XKR4: variants seen among roughly 807,000 people sequenced by gnomAD.
The protein encoded by XKR4 is XK related 4, also known as XK-related protein 4.
Under a neutral mutation model 53.9 loss-of-function variants are expected in XKR4, and 12 were observed. That is an observed-to-expected ratio of 0.22 (90% CI 0.14 to 0.36). The LOEUF (loss-of-function observed/expected upper bound fraction) is 0.36, where lower values mean the gene tolerates loss of function less well. Ranked by LOEUF, XKR4 falls within the 10% of genes least tolerant of loss-of-function variation. The pLI is 1.00. For missense variants in XKR4, 799 were observed against 859.5 expected, an observed-to-expected ratio of 0.93 and a Z score of 0.88; for synonymous variants, 354 against 362.4, an observed-to-expected ratio of 0.98 and a Z score of 0.26.
At chr8:55,329,168 T>C (rs986660186) in intron 1 of XKR4, among the ~76,000 whole-genome samples, 1 of 152,144 alleles carries the variant, frequency 6.6e-6, no homozygotes, top group Non-Finnish European at 1.5e-5. Context: ...TGCCCCAGGA[T>C]AGTAGAACTC....
chr8:55,346,224 T>C (rs1271381228), intron 1 of XKR4, among the ~76,000 whole-genome samples: 1 of 151,914 alleles, frequency 6.6e-6, no homozygotes, highest in African/African-American at 2.4e-5. Flanking sequence ...TAGCAGGGAT[T>C]ACAGGCATGC....
chr8:55,123,664 C>T lies in XKR4; in HGVS notation c.806+20370C>T, dbSNP rs369404223. Among the ~76,000 whole-genome samples the T allele has an allele frequency of 7.4e-4, 113 of 152,308 alleles. 2 individuals carry two copies. In the South Asian group the frequency reaches 0.023, roughly 31 times the overall value. On this transcript the variant is annotated intron_variant, in intron 1 of 2. Coordinates refer to ENST00000327381, the MANE Select transcript of XKR4 (RefSeq NM_052898.2). Reference sequence around the variant, plus strand: ...CCCTTAACAAGTAGCTTTGGTCCTGCTGGTTTCACTGCTCCTTCTCAGAAG... The same window carrying T: ...CCCTTAACAAGTAGCTTTGGTCCTGTTGGTTTCACTGCTCCTTCTCAGAAG...
chr8:55,237,321 A>C (rs1181976650), intron 1 of XKR4, among the ~76,000 whole-genome samples: 2 of 152,236 alleles, frequency 1.3e-5, no homozygotes, highest in Non-Finnish European at 2.9e-5. Flanking sequence ...GTTGATTAGA[A>C]GCCTTACCAA....
At chr8:55,167,591 G>A (rs1476772121) in intron 1 of XKR4, among the ~76,000 whole-genome samples, 1 of 152,164 alleles carries the variant, frequency 6.6e-6, no homozygotes, top group Non-Finnish European at 1.5e-5. Context: ...TGTTGCATAT[G>A]ACCACTGAGA....
At chr8:55,337,354 A>G (rs1310673422) in intron 1 of XKR4, among the ~76,000 whole-genome samples, 1 of 151,968 alleles carries the variant, frequency 6.6e-6, no homozygotes, top group Non-Finnish European at 1.5e-5. Context: ...CAGTTTTTAT[A>G]TTTTCTTTAT....
intron 1 of XKR4, among the ~76,000 whole-genome samples, chr8:55,357,320 C>T (rs1288339876): frequency 6.6e-6 from 1 of 152,112 alleles, no homozygotes; most frequent in African/African-American, 2.4e-5. Flanking sequence ...GAGAAATCCC[C>T]TCATGAACAC....
At chr8:55,103,851 GTATATA>G (rs60831330) in intron 1 of XKR4, among the ~76,000 whole-genome samples, 19,455 of 105,814 alleles carry the variant, frequency 0.18, 1,979 homozygotes, top group Admixed American at 0.26. Flanking sequence ...AAATGACTTT[GTATATA>G]TATATATATA....
chr8:55,444,857 C>T (rs1228746385), intron 2 of XKR4, among the ~76,000 whole-genome samples: 1 of 152,180 alleles, frequency 6.6e-6, no homozygotes, highest in Admixed American at 6.5e-5. Flanking sequence ...AGAATTCTTA[C>T]ACACACATCA....
chr8:55,461,970 T>C (rs1391938645), intron 2 of XKR4, among the ~76,000 whole-genome samples: 1 of 152,204 alleles, frequency 6.6e-6, no homozygotes, highest in African/African-American at 2.4e-5. Context: ...AATATGGGAC[T>C]ATGTCAAAAG....
intron 2 of XKR4, among the ~76,000 whole-genome samples, chr8:55,482,560 AAAATAAAT>A (rs140048815): frequency 6.6e-6 from 1 of 151,622 alleles, no homozygotes; most frequent in Admixed American, 6.6e-5. Context: ...GATAAAATTA[AAAATAAAT>A]AAATAAATAA....
At chr8:55,146,030 A>G (rs766863564) in intron 1 of XKR4, among the ~76,000 whole-genome samples, 3 of 152,246 alleles carry the variant, frequency 2.0e-5, no homozygotes, top group Non-Finnish European at 4.4e-5. Context: ...AGGAAAACTG[A>G]TGCTTTGCAA....
At chr8:55,375,115 T>A (rs1350759144) in intron 2 of XKR4, among the ~76,000 whole-genome samples, 3 of 152,226 alleles carry the variant, frequency 2.0e-5, no homozygotes, top group Admixed American at 2.0e-4. Flanking sequence ...TTGCCAGTGA[T>A]CTTTGCTGTC....
intron 1 of XKR4, among the ~76,000 whole-genome samples, chr8:55,245,664 A>G (rs1242583231): frequency 6.6e-6 from 1 of 152,206 alleles, no homozygotes; most frequent in Non-Finnish European, 1.5e-5. Flanking sequence ...TGCTGCTCCA[A>G]GAGTCTCCCC....
At chr8:55,134,710 T>TC (rs1816600477) in intron 1 of XKR4, among the ~76,000 whole-genome samples, 1 of 152,228 alleles carries the variant, frequency 6.6e-6, no homozygotes, top group Non-Finnish European at 1.5e-5. Context: ...TGTGGAGTAA[T>TC]AATATCTGTA....
intron 1 of XKR4, among the ~76,000 whole-genome samples, chr8:55,311,263 T>C (rs922608498): frequency 6.6e-6 from 1 of 152,170 alleles, no homozygotes; most frequent in Admixed American, 6.5e-5. Context: ...CACAGTGTCA[T>C]GGGGAAACAC....
At chr8:55,466,700 A>C (rs1415040217) in intron 2 of XKR4, among the ~76,000 whole-genome samples, 1 of 152,082 alleles carries the variant, frequency 6.6e-6, no homozygotes, top group Non-Finnish European at 1.5e-5. Context: ...ATCAGTTGCC[A>C]CTTTGGTTTA....
intron 1 of XKR4, among the ~76,000 whole-genome samples, chr8:55,210,910 G>C (rs1021456448): frequency 2.6e-5 from 4 of 152,180 alleles, no homozygotes; most frequent in Non-Finnish European, 4.4e-5. Flanking sequence ...TTCTTAGCTT[G>C]AGTTACTCCA....
Position 55,227,564 on chromosome 8 carries a change from C to G in XKR4, c.806+124270C>G, listed in dbSNP as rs16921454. Among the ~76,000 whole-genome samples, 1,283 of 152,368 alleles carry G rather than the reference C, an allele frequency of 8.4e-3. 22 individuals carry two copies. Among genetic ancestry groups the G allele is most frequent in the African/African-American group, 0.027 (1,126 of 41,588 alleles). ...CTCCACTTCCATTCAAAGATAATCA[C>G]TGTCTCTTCCTTAAAATGTGGCAGT... On this transcript the variant is annotated intron_variant, in intron 1 of 2. Transcript: ENST00000327381.
chr8:55,357,243 T>C (rs1271906157), intron 1 of XKR4, among the ~76,000 whole-genome samples: 1 of 152,242 alleles, frequency 6.6e-6, no homozygotes, highest in East Asian at 1.9e-4. Flanking sequence ...AAAAAGTGAT[T>C]TTTTAAGGCA....
Sources: allele counts gnomAD v4.1 joint callset (sites outside exome capture counted in the v4.1 genomes callset), GRCh38; gene constraint gnomAD v4.1.1; transcripts MANE v1.5; gene names NCBI Gene and HGNC (gene_info 2026-07-23, HGNC 2026-07-21).